TMEM230: variants seen among roughly 807,000 people sequenced by gnomAD.
TMEM230 encodes the protein UPF0414 transmembrane protein C20orf30.
A neutral mutation model predicts 15.8 loss-of-function variants in TMEM230; 10 were observed. The observed-to-expected ratio is 0.63, with a 90% CI of 0.39 to 1.07. TMEM230 has a LOEUF of 1.07. Ranked by LOEUF, TMEM230 falls within the 50% of genes least tolerant of loss-of-function variation. TMEM230 has a pLI of 0.01. For synonymous variants in TMEM230, 67 were observed against 76.9 expected (o/e 0.87, Z 0.68); for missense variants, 165 against 193.3 (o/e 0.85, Z 0.87).
chr20:5,102,633 G>C (rs2089915597), intron 4 of TMEM230, among the ~76,000 whole-genome samples: 1 of 149,204 alleles, frequency 6.7e-6, no homozygotes, highest in Non-Finnish European at 1.5e-5. Context: ...AAAGGTTGCA[G>C]TGAGCTGAGA....
At chr20:5,081,354 G>A (rs1397749200) in intron 3 of TMEM230, among the ~76,000 whole-genome samples, 1 of 152,210 alleles carries the variant, frequency 6.6e-6, no homozygotes, top group African/African-American at 2.4e-5. Flanking sequence ...AGGGACCCAT[G>A]CCCTTTTTCT....
downstream of TMEM230, chr20:5,068,179 G>A (rs1414484693): frequency 2.6e-5 from 4 of 152,160 alleles, no homozygotes. Context: ...GTAAAAGAAT[G>A]TCTTGCAGCT....
chr20:5,068,824 C>T (rs1053718554), exon 4 of TMEM230: 3 of 179,238 alleles, frequency 1.7e-5, no homozygotes, highest in African/African-American at 7.1e-5. Context: ...ATCTGTACCA[C>T]CCTGCAGTCC....
At chr20:5,075,360 C>A (rs536906855) in intron 3 of TMEM230, among the ~76,000 whole-genome samples, 2 of 151,528 alleles carry the variant, frequency 1.3e-5, no homozygotes, top group Non-Finnish European at 2.9e-5. Flanking sequence ...CCACCGCGCC[C>A]GGCCTAAAAT....
In TMEM230 at chr20:5,086,587, A is replaced by G. The variant is rs148272496; in HGVS notation, c.223-17238T>C. Among the ~76,000 whole-genome samples, 12 of 151,310 alleles carry G rather than the reference A, an allele frequency of 7.9e-5. No individual in the cohort carries two copies. The East Asian group carries it at 2.1e-3, about 27-fold the overall frequency. On this transcript the variant is annotated intron_variant, in intron 3 of 3. Transcript: ENST00000612323. ...GAAAAAGAAAAAAAAGTATCTGTAT[A>G]TATTTTTATATATGCTTTTTTTTCT...
At chr20:5,095,911 G>A (rs947915171), downstream of TMEM230, among the ~76,000 whole-genome samples, 1 of 152,216 alleles carries the variant, frequency 6.6e-6, no homozygotes, top group Non-Finnish European at 1.5e-5. Context: ...CATGAGAGGC[G>A]ATCTGATGAT....
chr20:5,092,085 G>A (rs1318343846), intron 3 of TMEM230, among the ~76,000 whole-genome samples: 3 of 152,306 alleles, frequency 2.0e-5, no homozygotes, highest in African/African-American at 7.2e-5. Context: ...GAGACTTTGT[G>A]CCTGCCTCCT....
downstream of TMEM230, among the ~76,000 whole-genome samples, chr20:5,095,068 G>T (rs1475691362): frequency 6.6e-6 from 1 of 152,218 alleles, no homozygotes; most frequent in African/African-American, 2.4e-5. Context: ...AAGCAGCGCG[G>T]TGGATGGTGG....
chr20:5,064,117 A>G (rs2122514736), downstream of TMEM230, among the ~76,000 whole-genome samples: 1 of 151,640 alleles, frequency 6.6e-6, no homozygotes, highest in East Asian at 1.9e-4. Flanking sequence ...AAATACAAAA[A>G]TTAGACAGGT....
At chr20:5,070,961 G>T (rs1275422522) in intron 3 of TMEM230, among the ~76,000 whole-genome samples, 1 of 152,106 alleles carries the variant, frequency 6.6e-6, no homozygotes, top group Non-Finnish European at 1.5e-5. Flanking sequence ...CACAATAAAA[G>T]AAATTGGCTT....
the TMEM230 span, among the ~76,000 whole-genome samples, chr20:5,059,944 G>C: frequency 6.6e-6 from 1 of 151,634 alleles, no homozygotes; most frequent in Non-Finnish European, 1.5e-5. Flanking sequence ...GCTAATTTTT[G>C]TATTTTTAGT....
At chr20:5,095,193 G>A (rs113745066), downstream of TMEM230, among the ~76,000 whole-genome samples, 556 of 152,250 alleles carry the variant, frequency 3.7e-3, 6 homozygotes, top group South Asian at 0.015. Flanking sequence ...GGCTCTTCTT[G>A]TGTTAGTGAG....
intron 3 of TMEM230, among the ~76,000 whole-genome samples, chr20:5,073,839 T>C (rs1234500113): frequency 6.6e-6 from 1 of 152,208 alleles, no homozygotes; most frequent in East Asian, 1.9e-4. Context: ...TTACTGTGTT[T>C]GCAGGAATAC....
chr20:5,065,296 T>C (rs1218281045), downstream of TMEM230, among the ~76,000 whole-genome samples: 1 of 151,928 alleles, frequency 6.6e-6, no homozygotes, highest in East Asian at 1.9e-4. Flanking sequence ...AAATAACCCA[T>C]GAGTATCATG....
intron 1 of TMEM230, chr20:5,112,619 AC>A: frequency 8.7e-7 from 1 of 1,153,528 alleles, no homozygotes; most frequent in South Asian, 1.9e-5. Flanking sequence ...CAGGCTTTTT[AC>A]CAGCTCACCG....
chr20:5,112,915 C>T (rs2090386000), intron 1 of TMEM230, 46 bp downstream of exon 1: 1 of 1,549,034 alleles, frequency 6.5e-7, no homozygotes. Flanking sequence ...ACGCCCAGAG[C>T]CCGAGAGGAC....
At chr20:5,078,548 G>A (rs1031707153) in intron 3 of TMEM230, among the ~76,000 whole-genome samples, 3 of 152,152 alleles carry the variant, frequency 2.0e-5, no homozygotes, top group Non-Finnish European at 4.4e-5. Context: ...CAACAAAGGT[G>A]TACTTCACTC....
intron 3 of TMEM230, among the ~76,000 whole-genome samples, chr20:5,071,331 GT>G (rs1342877986): frequency 6.6e-6 from 1 of 151,936 alleles, no homozygotes; most frequent in Non-Finnish European, 1.5e-5. Flanking sequence ...GCATGTAAGG[GT>G]ACATAGATTT....
intron 3 of TMEM230, among the ~76,000 whole-genome samples, chr20:5,092,169 C>T (rs377564381): frequency 2.0e-5 from 3 of 152,090 alleles, no homozygotes; most frequent in Admixed American, 2.0e-4. Flanking sequence ...TGGTCTGATA[C>T]GATTGACAAG....
Sources: allele counts gnomAD v4.1 joint callset (sites outside exome capture counted in the v4.1 genomes callset), GRCh38; gene constraint gnomAD v4.1.1; transcripts MANE v1.5; gene names NCBI Gene and HGNC (gene_info 2026-07-23, HGNC 2026-07-21).